PAWR: variants seen among roughly 807,000 people sequenced by gnomAD.
PAWR encodes the protein PRKC apoptosis WT1 regulator protein.
Under a neutral mutation model 32.0 loss-of-function variants are expected in PAWR, and 23 were observed. The ratio of observed to expected loss-of-function variants is 0.72; its 90% CI spans 0.52 to 1.02. PAWR has a LOEUF of 1.02. PAWR is among the 50% of genes least tolerant of loss of function. PAWR has a pLI of 0.00. For missense variants in PAWR, 457 were observed against 437.7 expected (o/e 1.04, Z -0.39); for synonymous variants, 226 against 187.1 (o/e 1.21, Z -1.70).
chr12:79,679,913 C>T (rs868684716), intron 2 of PAWR, among the ~76,000 whole-genome samples: 10 of 152,128 alleles, frequency 6.6e-5, no homozygotes, highest in South Asian at 6.2e-4. Flanking sequence ...TATTAGTATA[C>T]TCTTATATGA....
intron 2 of PAWR, among the ~76,000 whole-genome samples, chr12:79,681,045 G>A (rs138520316): frequency 6.7e-6 from 1 of 148,422 alleles, no homozygotes. Flanking sequence ...AACTCAGGAG[G>A]TTGAGTCTGC....
At position 79,586,905 on chromosome 12, in the gene PAWR, T is replaced by C. The variant is rs1873399492; in HGVS notation, c.*5702A>G. Reference sequence around the variant, plus strand: ...TAAAGGATCTTATAACCAGTCTCTCTCTTTAATATGAAGGCCCAACATTAC... The same window carrying C: ...TAAAGGATCTTATAACCAGTCTCTCCCTTTAATATGAAGGCCCAACATTAC... On this transcript the variant is annotated 3_prime_UTR_variant, in exon 7 of 7. Coordinates refer to ENST00000328827, the MANE Select transcript of PAWR (RefSeq NM_002583.4). The C allele has an allele frequency of 6.6e-6, 1 of 152,136 alleles. No homozygotes were observed. The highest frequency in any genetic ancestry group is 6.5e-5 in the Admixed American group (1 of 15,270). The allele number at this position is 152,136 out of a possible 1,614,324, so 9.4% of individuals were successfully genotyped here. A position where few individuals can be genotyped will look rare whatever the true frequency, so the allele number is the denominator to read the frequency against.
chr12:79,655,673 G>A (rs1329333641), intron 2 of PAWR, among the ~76,000 whole-genome samples: 2 of 152,150 alleles, frequency 1.3e-5, no homozygotes. Flanking sequence ...TTCTGAAATG[G>A]AGCAACTCAG....
In PAWR at chr12:79,638,792, T is replaced by G. The variant is rs74110458; in HGVS notation, c.517-17585A>C. Among the ~76,000 whole-genome samples the G allele has an allele frequency of 5.3e-3, 470 of 89,164 alleles. 1 individual carries two copies. The African/African-American group carries it at 0.055, about 10-fold the overall frequency. The allele number at this position is 89,164 out of a possible 152,430, so 58.5% of individuals were successfully genotyped here. A position where few individuals can be genotyped will look rare whatever the true frequency, so the allele number is the denominator to read the frequency against. ...CCAAATGCTATCATTATATTTGGGGTGTGTGTGTGTGTGTGTGTGTGTGTG... is the reference window on the plus strand; with the variant it reads ...CCAAATGCTATCATTATATTTGGGGGGTGTGTGTGTGTGTGTGTGTGTGTG... On this transcript the variant is annotated intron_variant, in intron 2 of 6. Coordinates refer to ENST00000328827, the MANE Select transcript of PAWR (RefSeq NM_002583.4).
intron 4 of PAWR, among the ~76,000 whole-genome samples, chr12:79,605,521 T>C (rs1030803255): frequency 6.6e-6 from 1 of 150,664 alleles, no homozygotes; most frequent in Non-Finnish European, 1.5e-5. Context: ...GATACATTCT[T>C]TTTTTTTTAA....
intron 2 of PAWR, among the ~76,000 whole-genome samples, chr12:79,654,761 T>A (rs181977587): frequency 6.6e-6 from 1 of 152,270 alleles, no homozygotes; most frequent in East Asian, 1.9e-4. Flanking sequence ...CTACCATTTA[T>A]AAAACCATCA....
intron 4 of PAWR, among the ~76,000 whole-genome samples, chr12:79,597,369 C>T (rs961298710): frequency 2.0e-5 from 3 of 152,094 alleles, no homozygotes; most frequent in Non-Finnish European, 1.5e-5. Context: ...TGGCCTAGAT[C>T]GCCCAGACTA....
Position 79,690,350 on chromosome 12 carries a change from C to T in PAWR, c.-106G>A. ...CCCCGAGGATGCCAGGAGACGACCTCCAGGAGAGGGACGGCCGCCGCTCCC... is the reference window on the plus strand; with the variant it reads ...CCCCGAGGATGCCAGGAGACGACCTTCAGGAGAGGGACGGCCGCCGCTCCC... On this transcript the variant is annotated 5_prime_UTR_variant, in exon 2 of 7. Transcript: ENST00000328827. 7.4e-7 allele frequency: 1 copy of T among 1,351,142 alleles called. No homozygotes were observed. The highest frequency in any genetic ancestry group is 2.7e-4 in the Middle Eastern group (1 of 3,646). The allele number at this position is 1,351,142 out of a possible 1,614,324, so 83.7% of individuals were successfully genotyped here.
chr12:79,665,459 T>C (rs1877558816), intron 2 of PAWR, among the ~76,000 whole-genome samples: 1 of 152,206 alleles, frequency 6.6e-6, no homozygotes, highest in African/African-American at 2.4e-5. Flanking sequence ...TATAGATAGT[T>C]GGCTCAATAA....
chr12:79,641,520 G>C (rs1206586111), intron 2 of PAWR, among the ~76,000 whole-genome samples: 1 of 152,042 alleles, frequency 6.6e-6, no homozygotes, highest in African/African-American at 2.4e-5. Flanking sequence ...CTCCAATACA[G>C]CAGATATTTT....
At chr12:79,632,132 C>CAAAAAAAAAAAA (rs59152885) in intron 2 of PAWR, 12 of 50,912 alleles carry the variant, frequency 2.4e-4, no homozygotes, top group African/African-American at 7.8e-4. Flanking sequence ...GACTCTGTCT[C>CAAAAAAAAAAAA]AAAAAAAAAA....
rs1873383560 is a variant in PAWR at position 79,586,259 on chromosome 12, C to T, written c.*6348G>A. The stretch of plus-strand genomic sequence containing the variant: ...AGGCTAACAGTTTTTCAACTTTTCT[C>T]AATACTATCAGATGAATGTATTCTT... On this transcript the variant is annotated 3_prime_UTR_variant, in exon 7 of 7. Coordinates refer to ENST00000328827, the MANE Select transcript of PAWR (RefSeq NM_002583.4). 6.6e-6 allele frequency: 1 copy of T among 152,560 alleles called. No homozygotes were observed. The highest frequency in any genetic ancestry group is 2.1e-4 in the South Asian group (1 of 4,824). The allele number at this position is 152,560 out of a possible 1,614,324, so 9.5% of individuals were successfully genotyped here.
chr12:79,681,162 G>A (rs1878428188), intron 2 of PAWR, among the ~76,000 whole-genome samples: 1 of 147,958 alleles, frequency 6.8e-6, no homozygotes. Flanking sequence ...GGGAGGGGAG[G>A]GGAGGAAAGG....
At chr12:79,671,600 T>C (rs920722795) in intron 2 of PAWR, among the ~76,000 whole-genome samples, 1 of 152,250 alleles carries the variant, frequency 6.6e-6, no homozygotes, top group Non-Finnish European at 1.5e-5. Context: ...AGCTTGTTGA[T>C]GTGTTTACCA....
At chr12:79,613,973 ATATATATTTTTTTTTTTTTTTT>A (rs1874595862) in intron 3 of PAWR, among the ~76,000 whole-genome samples, 1 of 9,468 alleles carries the variant, frequency 1.1e-4, no homozygotes, top group African/African-American at 7.4e-4. Flanking sequence ...ATATATATAT[ATATATATTTTTTTTTTTTTTTT>A]TTTTTTTTTT....
At chr12:79,622,125 A>AC (rs1267416308) in intron 2 of PAWR, among the ~76,000 whole-genome samples, 4 of 152,134 alleles carry the variant, frequency 2.6e-5, no homozygotes, top group African/African-American at 9.6e-5. Flanking sequence ...TAGGAATTGG[A>AC]CAAAAAAAAA....
chr12:79,642,275 T>G (rs1161135067), intron 2 of PAWR, among the ~76,000 whole-genome samples: 1 of 152,192 alleles, frequency 6.6e-6, no homozygotes, highest in Admixed American at 6.5e-5. Context: ...AATCAAAGAC[T>G]TGACACCAGC....
At position 79,690,298 on chromosome 12, in the gene PAWR, G is replaced by A. The variant is rs1878947519; in HGVS notation, c.-54C>T. The A allele has an allele frequency of 7.2e-7, 1 of 1,390,834 alleles. No individual in the cohort carries two copies. The highest frequency in any genetic ancestry group is 9.3e-7 in the Non-Finnish European group (1 of 1,073,548). 86.2% of individuals were successfully genotyped at this position (1,390,834 alleles called of 1,614,324 possible). ...CCTCAGGCCGCCCACCAGGGCTCCG[G>A]CCGCTGCCTCCTCTTCCTTCCTGCG... On this transcript the variant is annotated 5_prime_UTR_variant, in exon 2 of 7. Transcript: ENST00000328827.
chr12:79,640,050 G>T (rs1056337429), intron 2 of PAWR, among the ~76,000 whole-genome samples: 1 of 151,898 alleles, frequency 6.6e-6, no homozygotes, highest in Non-Finnish European at 1.5e-5. Context: ...GATTACAGGT[G>T]CCTGCGAACA....
Sources: gnomAD v4.1 joint callset for allele counts (sites outside exome capture counted in the v4.1 genomes callset) on GRCh38, gnomAD v4.1.1 for gene constraint, MANE v1.5 for transcripts, NCBI Gene and HGNC (gene_info 2026-07-23, HGNC 2026-07-21) for gene names.